Variants in IL15 observed in about 807,000 individuals in gnomAD.
The protein encoded by IL15 is interleukin-15.
A neutral mutation model predicts 19.6 loss-of-function variants in IL15; 11 were observed. The ratio of observed to expected loss-of-function variants is 0.56; its 90% CI spans 0.35 to 0.93. The LOEUF (loss-of-function observed/expected upper bound fraction) is 0.93. Among genes scored for constraint, IL15 ranks in the 40% least tolerant of loss-of-function variants. The pLI, the probability that IL15 is intolerant of heterozygous loss-of-function variation, is 0.01. For missense variants in IL15, 197 were observed against 186.5 expected (o/e 1.06, Z -0.33); for synonymous variants, 58 against 59.6 (o/e 0.97, Z 0.12).
At chr4:141,668,320 TC>T (rs59780162) in intron 2 of IL15, among the ~76,000 whole-genome samples, 3,997 of 152,288 alleles carry the variant, frequency 0.026, 172 homozygotes, top group African/African-American at 0.09. Context: ...GGGTTCAGCT[TC>T]CTTTATGCCA....
intron 2 of IL15, among the ~76,000 whole-genome samples, chr4:141,688,215 G>C (rs1051667313): frequency 2.6e-5 from 4 of 152,114 alleles, no homozygotes; most frequent in African/African-American, 9.7e-5. Context: ...TCCACCCTCT[G>C]ACCAATTTAC....
chr4:141,727,500 A>C (rs1347375918), intron 5 of IL15, among the ~76,000 whole-genome samples: 2 of 152,114 alleles, frequency 1.3e-5, no homozygotes, highest in East Asian at 3.8e-4. Context: ...TGAGGTATGT[A>C]TGGGGAGAAA....
At chr4:141,652,093 A>T (rs1727426057) in intron 1 of IL15, among the ~76,000 whole-genome samples, 1 of 152,190 alleles carries the variant, frequency 6.6e-6, no homozygotes, top group Non-Finnish European at 1.5e-5. Flanking sequence ...TGAAAGGCAT[A>T]GGAGAAGTAA....
intron 4 of IL15, chr4:141,721,650 G>A: frequency 1.9e-6 from 1 of 516,598 alleles, no homozygotes. Flanking sequence ...ATTTCATTGT[G>A]ATAAATTGAG....
At chr4:141,717,011 A>T (rs891972046) in intron 2 of IL15, 1 of 152,048 alleles carries the variant, frequency 6.6e-6, no homozygotes, top group Admixed American at 6.6e-5. Flanking sequence ...GCTTATTTTG[A>T]TTTCACAGGC....
In IL15 at chr4:141,732,882, T is replaced by C. The variant is rs1331884644; in HGVS notation, c.*34T>C. ...GATTCTTTTTAAAGTGTTTCTGTTA[T>C]TAACAAACATCACTCTGCTGCTTAG... On this transcript the variant is annotated 3_prime_UTR_variant, in exon 8 of 8. Coordinates refer to ENST00000320650, the MANE Select transcript of IL15 (RefSeq NM_000585.5). The C allele has an allele frequency of 2.5e-6, 4 of 1,594,202 alleles. No homozygotes were observed. Among genetic ancestry groups the C allele is most frequent in the Non-Finnish European group, 3.4e-6 (4 of 1,173,282 alleles).
At chr4:141,727,094 TA>T (rs1210557203) in intron 5 of IL15, among the ~76,000 whole-genome samples, 1 of 152,160 alleles carries the variant, frequency 6.6e-6, no homozygotes, top group African/African-American at 2.4e-5. Flanking sequence ...AGGCTACTTT[TA>T]AAGCAGTGAA....
chr4:141,637,749 G>A (rs972447708), intron 1 of IL15, among the ~76,000 whole-genome samples: 1 of 152,132 alleles, frequency 6.6e-6, no homozygotes. Flanking sequence ...TAAAGTGGTG[G>A]TCACCAGCTA....
intron 2 of IL15, among the ~76,000 whole-genome samples, chr4:141,679,893 G>A (rs1465306396): frequency 6.6e-6 from 1 of 152,184 alleles, no homozygotes; most frequent in African/African-American, 2.4e-5. Flanking sequence ...AATGGAGGAT[G>A]AGCTATAACT....
At chr4:141,668,561 G>A (rs1728067075) in intron 2 of IL15, among the ~76,000 whole-genome samples, 1 of 152,212 alleles carries the variant, frequency 6.6e-6, no homozygotes, top group Admixed American at 6.5e-5. Context: ...TGGCTGGGTT[G>A]TTGGGGACTA....
intron 2 of IL15, among the ~76,000 whole-genome samples, chr4:141,669,737 G>T (rs911272873): frequency 1.3e-5 from 2 of 151,048 alleles, no homozygotes; most frequent in African/African-American, 4.9e-5. Flanking sequence ...TTCGGTCTTT[G>T]TGGACCAGAT....
At chr4:141,675,720 G>A (rs1345289842) in intron 2 of IL15, among the ~76,000 whole-genome samples, 1 of 152,032 alleles carries the variant, frequency 6.6e-6, no homozygotes, top group East Asian at 1.9e-4. Context: ...CTGCCACTTT[G>A]ATTGCCCATC....
chr4:141,705,144 T>C lies in IL15; in HGVS notation c.-99-14222T>C, dbSNP rs116482319. Among the ~76,000 whole-genome samples, 605 of 152,082 alleles carry C rather than the reference T, an allele frequency of 4.0e-3. 6 individuals are homozygous for C. Among genetic ancestry groups the C allele is most frequent in the African/African-American group, 0.014 (587 of 41,570 alleles). ...TTTTGGGTTTAGTTTGTTCTTATTA[T>C]TTTTAGTTCCTTGAGGTGAATCATT... On this transcript the variant is annotated intron_variant, in intron 2 of 7. Transcript: ENST00000320650.
rs1262765902 is a variant in IL15, at chr4:141,636,625, G to C, written c.-345G>C. On this transcript the variant is annotated 5_prime_UTR_variant, in exon 1 of 8. Coordinates refer to ENST00000320650, the MANE Select transcript of IL15 (RefSeq NM_000585.5). ...GGACTCCGGGTGGCAGGCGCCCGGG[G>C]GAATCCCAGCTGACTCGCTCACTGC... 1 of 152,132 alleles carries C rather than the reference G, an allele frequency of 6.6e-6. No homozygotes were observed. Among genetic ancestry groups the C allele is most frequent in the Non-Finnish European group, 1.5e-5 (1 of 68,088 alleles). 9.4% of individuals were successfully genotyped at this position (152,132 alleles called of 1,614,324 possible). A position where few individuals can be genotyped will look rare whatever the true frequency, so the allele number is the denominator to read the frequency against.
chr4:141,654,712 T>G (rs1578992503), intron 1 of IL15, among the ~76,000 whole-genome samples: 1 of 152,222 alleles, frequency 6.6e-6, no homozygotes, highest in Non-Finnish European at 1.5e-5. Context: ...GGAAAAAAAG[T>G]GCATTGTTAT....
At chr4:141,728,134 T>C (rs956647418) in intron 6 of IL15, 150 bp downstream of exon 6, 2 of 533,268 alleles carry the variant, frequency 3.8e-6, no homozygotes. Context: ...TTAGTGATTA[T>C]TGAGATGGGA....
intron 2 of IL15, among the ~76,000 whole-genome samples, chr4:141,659,285 C>T (rs1727711975): frequency 6.6e-6 from 1 of 151,968 alleles, no homozygotes; most frequent in Non-Finnish European, 1.5e-5. Context: ...TCACTGCAAC[C>T]TTTGCCCCTT....
intron 2 of IL15, among the ~76,000 whole-genome samples, chr4:141,685,756 A>G (rs1362409785): frequency 6.6e-6 from 1 of 152,230 alleles, no homozygotes; most frequent in African/African-American, 2.4e-5. Context: ...CTAATGTTCC[A>G]TGAATGAAAA....
chr4:141,667,775 AT>A (rs1426303359), intron 2 of IL15, among the ~76,000 whole-genome samples: 1 of 151,778 alleles, frequency 6.6e-6, no homozygotes, highest in East Asian at 1.9e-4. Context: ...GGGTGTATTT[AT>A]TTTTTTCTTG....
Sources: gnomAD v4.1 joint callset for allele counts (sites outside exome capture counted in the v4.1 genomes callset) on GRCh38, gnomAD v4.1.1 for gene constraint, MANE v1.5 for transcripts, NCBI Gene and HGNC (gene_info 2026-07-23, HGNC 2026-07-21) for gene names.